POLR2E: variants seen among roughly 807,000 people sequenced by gnomAD.
POLR2E encodes the protein DNA-directed RNA polymerases I, II, and III subunit RPABC1.
In POLR2E, 35 loss-of-function variants were observed where a neutral mutation model predicts 29.8. The ratio of observed to expected loss-of-function variants is 1.17; its 90% CI spans 0.90 to 1.55. POLR2E has a LOEUF of 1.55. Ranked by LOEUF, POLR2E falls within the 40% of genes most tolerant of loss-of-function variation. The probability of loss-of-function intolerance (pLI) is 0.00; values close to 1 mark genes in which losing one functional copy is unlikely to be tolerated. For missense variants in POLR2E, 287 were observed against 288.6 expected (o/e 0.99, Z 0.04); for synonymous variants, 174 against 112.6 (o/e 1.55, Z -3.45).
intron 6 of POLR2E, 91 bp from the exon 7 acceptor site, chr19:1,089,642 G>A (rs911792456): frequency 4.5e-6 from 5 of 1,121,294 alleles, no homozygotes; most frequent in Non-Finnish European, 6.8e-6. Context: ...GCTGGGGATG[G>A]CCGGCAGGGG....
chr19:1,093,474 T>C (rs116632455), intron 2 of POLR2E, among the ~76,000 whole-genome samples: 26 of 128,374 alleles, frequency 2.0e-4, no homozygotes, highest in African/African-American at 7.3e-4. Context: ...AGAGGGGGCA[T>C]GGGGTGCGGA....
Position 1,090,089 on chromosome 19 carries a change from T to TC in POLR2E, c.485dup (p.Tyr163IlefsTer2). 6.2e-7 allele frequency: 1 copy of TC among 1,611,950 alleles called. No homozygotes were observed. The highest frequency in any genetic ancestry group is 8.5e-7 in the Non-Finnish European group (1 of 1,179,658). On this transcript the variant is annotated frameshift_variant, in exon 5 of 8. Coordinates refer to ENST00000615234, the MANE Select transcript of POLR2E (RefSeq NM_002695.5). LOFTEE classifies it high-confidence loss of function. The stretch of plus-strand genomic sequence containing the variant: ...GCCGGTGGGGCTGGAAAGGATACTA[T>TC]CGGGCCAGCAGCTCTGTCACCTCCT...
Position 1,095,328 on chromosome 19 carries a change from C to T in POLR2E, c.-13G>A, listed in dbSNP as rs376234888. 4 of 1,612,058 alleles carry T rather than the reference C, an allele frequency of 2.5e-6. No homozygotes were observed. In the Admixed American group the frequency reaches 5.0e-5, roughly 20 times the overall value. Reference sequence around the variant, plus strand: ...CCTCGTCGTCCATGGCAGCCTCCGCCGCCGCCGCCGCTCGCACCCCTTCTC... The same window carrying T: ...CCTCGTCGTCCATGGCAGCCTCCGCTGCCGCCGCCGCTCGCACCCCTTCTC... On this transcript the variant is annotated 5_prime_UTR_variant, in exon 1 of 8. Coordinates refer to ENST00000615234, the MANE Select transcript of POLR2E (RefSeq NM_002695.5).
chr19:1,090,609 G>A lies in POLR2E; in HGVS notation c.429+299C>T, dbSNP rs187922037. ...ATTTTTTTGTATTTTTAGTAGAGACGGGGTTTCACCGTGTTAGCCAGGATG... is the reference window on the plus strand; with the variant it reads ...ATTTTTTTGTATTTTTAGTAGAGACAGGGTTTCACCGTGTTAGCCAGGATG... On this transcript the variant is annotated intron_variant, in intron 4 of 7. Transcript: ENST00000615234. 8.9e-3 allele frequency among the ~76,000 whole-genome samples: 1,354 copies of A among 151,870 alleles called. 15 individuals are homozygous for A. Among genetic ancestry groups the A allele is most frequent in the African/African-American group, 0.031 (1,287 of 41,394 alleles).
rs373929138 is a variant in POLR2E at position 1,090,150 on chromosome 19, C to T, written c.430-5G>A. 28 of 1,612,382 alleles carry T rather than the reference C, an allele frequency of 1.7e-5. No individual in the cohort carries two copies. Among genetic ancestry groups the T allele is most frequent in the Middle Eastern group, 1.7e-4 (1 of 5,874 alleles). On this transcript the variant is annotated splice_region_variant and splice_polypyrimidine_tract_variant and intron_variant, in intron 4 of 7. Transcript: ENST00000615234. ...GACGACGTGCTCAGGGACTAGCTGC[C>T]GAGAGAGGAAGCCACCAGGCATCAC...
intron 2 of POLR2E, 192 bp downstream of exon 2, chr19:1,093,712 G>T (rs2043886286): frequency 7.3e-7 from 1 of 1,373,832 alleles, no homozygotes; most frequent in East Asian, 3.0e-5. Context: ...AAACTAGAAA[G>T]AAGCTGAGCA....
At chr19:1,092,265 C>T (rs569835786) in intron 2 of POLR2E, 51 of 224,244 alleles carry the variant, frequency 2.3e-4, no homozygotes, top group African/African-American at 8.9e-4. Flanking sequence ...CACCCCAGGA[C>T]GCTCTCTTTA....
chr19:1,095,158 G>A (rs2043913845), intron 1 of POLR2E, 101 bp downstream of exon 1: 7 of 1,278,726 alleles, frequency 5.5e-6, no homozygotes, highest in Non-Finnish European at 6.7e-6. Context: ...CTTCATCGCT[G>A]CTGCTCCGAC....
intron 6 of POLR2E, 51 bp downstream of exon 6, chr19:1,089,833 G>C (rs375566917): frequency 2.1e-6 from 3 of 1,426,754 alleles, no homozygotes; most frequent in African/African-American, 1.4e-5. Context: ...CCCCTTCTCC[G>C]AGTGGTCAGC....
At chr19:1,095,077 G>C in intron 1 of POLR2E, 182 bp downstream of exon 1, 8 of 401,338 alleles carry the variant, frequency 2.0e-5, no homozygotes, top group Admixed American at 8.2e-5. Flanking sequence ...TCCCTTCCCC[G>C]CTGCCGGCTC....
rs1175080783 is a variant in POLR2E, at chr19:1,087,225, CTCAAGCGATCCTCCACTTCCTGGGT to C, written c.*1485_*1509del. ...CCGGGCTGGTCTTTTAACTCCTGAG[CTCAAGCGATCCTCCACTTCCTGGGT>C]TCAAGTGATTCTCCTGCCTTAGCTC... On this transcript the variant is annotated 3_prime_UTR_variant, in exon 8 of 8. Coordinates refer to ENST00000615234, the MANE Select transcript of POLR2E (RefSeq NM_002695.5). The C allele has an allele frequency of 1.1e-4, 17 of 152,074 alleles. No homozygotes were observed. The highest frequency in any genetic ancestry group is 1.0e-3 in the Admixed American group (16 of 15,240). 9.4% of individuals were successfully genotyped at this position (152,074 alleles called of 1,614,324 possible). A position where few individuals can be genotyped will look rare whatever the true frequency, so the allele number is the denominator to read the frequency against.
At position 1,087,110 on chromosome 19, in the gene POLR2E, C is replaced by T. The variant is rs1194881322; in HGVS notation, c.*1625G>A. The T allele has an allele frequency of 6.6e-6, 1 of 152,164 alleles. No individual in the cohort carries two copies. The highest frequency in any genetic ancestry group is 2.4e-5 in the African/African-American group (1 of 41,374). 9.4% of individuals were successfully genotyped at this position (152,164 alleles called of 1,614,324 possible). A position where few individuals can be genotyped will look rare whatever the true frequency, so the allele number is the denominator to read the frequency against. On this transcript the variant is annotated 3_prime_UTR_variant, in exon 8 of 8. Transcript: ENST00000615234. ...GGCTCAAATGATCCTCCCGCCTCAGCCTCCCAAAGTGTTGGGATTACAGGT... is the reference window on the plus strand; with the variant it reads ...GGCTCAAATGATCCTCCCGCCTCAGTCTCCCAAAGTGTTGGGATTACAGGT...
rs2043675878 is a variant in POLR2E at position 1,086,695 on chromosome 19, C to T, written c.*2040G>A. 6.6e-6 allele frequency: 1 copy of T among 151,792 alleles called. No individual in the cohort carries two copies. Among genetic ancestry groups the T allele is most frequent in the African/African-American group, 2.4e-5 (1 of 41,378 alleles). The allele number at this position is 151,792 out of a possible 1,614,324, so 9.4% of individuals were successfully genotyped here. The stretch of plus-strand genomic sequence containing the variant: ...CAGCTGCAAGCTTAGAAGAAGGGGC[C>T]AGGGAGGGGACAGAGAGAGCCCCGT... On this transcript the variant is annotated 3_prime_UTR_variant, in exon 8 of 8. Coordinates refer to ENST00000615234, the MANE Select transcript of POLR2E (RefSeq NM_002695.5).
In POLR2E at chr19:1,088,253, G is replaced by C. The variant is rs2043751533; in HGVS notation, c.*482C>G. On this transcript the variant is annotated 3_prime_UTR_variant, in exon 8 of 8. Transcript: ENST00000615234. Reference sequence around the variant, plus strand: ...ACAACAACCGAGAACTCCAGAGCTGGCATCTCGCACCCTGGTGGCTTGAGC... The same window carrying C: ...ACAACAACCGAGAACTCCAGAGCTGCCATCTCGCACCCTGGTGGCTTGAGC... The C allele has an allele frequency of 1.3e-5, 2 of 152,414 alleles. No homozygotes were observed. Among genetic ancestry groups the C allele is most frequent in the African/African-American group, 4.8e-5 (2 of 41,462 alleles). The allele number at this position is 152,414 out of a possible 1,614,324, so 9.4% of individuals were successfully genotyped here.
At position 1,087,982 on chromosome 19, in the gene POLR2E, G is replaced by A. The variant is rs1053152909; in HGVS notation, c.*753C>T. Reference sequence around the variant, plus strand: ...CCAGAGAACAACTCCACACCCTCACGGGAAGGGAAGAGACAGACACGCTCA... The same window carrying A: ...CCAGAGAACAACTCCACACCCTCACAGGAAGGGAAGAGACAGACACGCTCA... On this transcript the variant is annotated 3_prime_UTR_variant, in exon 8 of 8. Coordinates refer to ENST00000615234, the MANE Select transcript of POLR2E (RefSeq NM_002695.5). 7 of 152,526 alleles carry A rather than the reference G, an allele frequency of 4.6e-5. No individual in the cohort carries two copies. The East Asian group carries it at 1.1e-3, about 25-fold the overall frequency. 9.4% of individuals were successfully genotyped at this position (152,526 alleles called of 1,614,324 possible). A position where few individuals can be genotyped will look rare whatever the true frequency, so the allele number is the denominator to read the frequency against.
intron 2 of POLR2E, among the ~76,000 whole-genome samples, chr19:1,092,527 C>G (rs1470356925): frequency 6.6e-6 from 1 of 151,630 alleles, no homozygotes; most frequent in African/African-American, 2.4e-5. Context: ...AGGTGAAATC[C>G]CGTTTCTACT....
In POLR2E at chr19:1,095,344, A is replaced by AC. The variant is rs1490677944; in HGVS notation, c.-30dup. On this transcript the variant is annotated 5_prime_UTR_variant, in exon 1 of 8. Transcript: ENST00000615234. ...AGCCTCCGCCGCCGCCGCCGCTCGC[A>AC]CCCCTTCTCCGCGCGAGAACCCGCG... 2.5e-6 allele frequency: 4 copies of AC among 1,611,422 alleles called. No individual in the cohort carries two copies. The highest frequency in any genetic ancestry group is 4.5e-5 in the East Asian group (2 of 44,818).
chr19:1,095,188 G>A (rs1307276644), intron 1 of POLR2E, 71 bp downstream of exon 1: 15 of 1,484,048 alleles, frequency 1.0e-5, no homozygotes, highest in Middle Eastern at 2.1e-4. Flanking sequence ...AGGAGACGCC[G>A]TGCTCGACCC....
rs1161043975 is a variant in POLR2E, at chr19:1,086,584, T to C, written c.*2151A>G. On this transcript the variant is annotated 3_prime_UTR_variant, in exon 8 of 8. Coordinates refer to ENST00000615234, the MANE Select transcript of POLR2E (RefSeq NM_002695.5). Reference sequence around the variant, plus strand: ...TCTCGGAAGCCACCGTGTGGTTCTTTCACAGGCACGTTTATTTTGCTGAAA... The same window carrying C: ...TCTCGGAAGCCACCGTGTGGTTCTTCCACAGGCACGTTTATTTTGCTGAAA... 6.6e-6 allele frequency: 1 copy of C among 152,234 alleles called. No homozygotes were observed. Among genetic ancestry groups the C allele is most frequent in the Non-Finnish European group, 1.5e-5 (1 of 67,948 alleles). The allele number at this position is 152,234 out of a possible 1,614,324, so 9.4% of individuals were successfully genotyped here.
Sources: allele counts gnomAD v4.1 joint callset (sites outside exome capture counted in the v4.1 genomes callset), GRCh38; gene constraint gnomAD v4.1.1; transcripts MANE v1.5; gene names NCBI Gene and HGNC (gene_info 2026-07-23, HGNC 2026-07-21).